The following TRPM7 variants were observed in gnomAD, a reference collection of about 807,000 sequenced individuals.
TRPM7 encodes the protein transient receptor potential cation channel subfamily M member 7, also known as LTRPC ion channel family member 7.
Under a neutral mutation model 229.7 loss-of-function variants are expected in TRPM7, and 134 were observed. That is an observed-to-expected ratio of 0.58 (90% CI 0.51 to 0.67). The LOEUF (loss-of-function observed/expected upper bound fraction) is 0.67, where lower values mean the gene tolerates loss of function less well. TRPM7 is among the 30% of genes least tolerant of loss of function. The probability of loss-of-function intolerance (pLI) is 0.00; values close to 1 mark genes in which losing one functional copy is unlikely to be tolerated. For missense variants in TRPM7, 1,901 were observed against 2,210.0 expected (o/e 0.86, Z 2.80); for synonymous variants, 699 against 715.2 (o/e 0.98, Z 0.36).
rs10553093 is a variant in TRPM7 at position 50,678,506 on chromosome 15, T to TA, written c.3+8024dup. 6.5e-3 allele frequency among the ~76,000 whole-genome samples: 840 copies of TA among 128,604 alleles called. 11 individuals are homozygous for TA. Among genetic ancestry groups the TA allele is most frequent in the African/African-American group, 0.024 (804 of 33,342 alleles). The allele number at this position is 128,604 out of a possible 152,430, so 84.4% of individuals were successfully genotyped here. Reference sequence around the variant, plus strand: ...GACCCTACTCTCTAGTTCCATTCTTTAAAAAAAAAAAATATATATATATAT... The same window carrying TA: ...GACCCTACTCTCTAGTTCCATTCTTTAAAAAAAAAAAAATATATATATATAT... On this transcript the variant is annotated intron_variant, in intron 1 of 38. Coordinates refer to ENST00000646667, the MANE Select transcript of TRPM7 (RefSeq NM_017672.6).
chr15:50,638,702 A>ATGTATGTATGTATGTATGTG (rs2060998280), intron 6 of TRPM7, among the ~76,000 whole-genome samples: 1 of 151,790 alleles, frequency 6.6e-6, no homozygotes, highest in Admixed American at 6.6e-5. Flanking sequence ...GTATGTATGT[A>ATGTATGTATGTATGTATGTG]TGAGATGGAG....
chr15:50,634,364 ATGT>A lies in TRPM7; in HGVS notation c.1007+15_1007+17del. On this transcript the variant is annotated intron_variant, in intron 8 of 38. Transcript: ENST00000646667. ...AAATAAATAAATAAAATTAATTAAAATGTTGTCATACACTTACCCTCCTTCTTC... is the reference window on the plus strand; with the variant it reads ...AAATAAATAAATAAAATTAATTAAAATGTCATACACTTACCCTCCTTCTTC... The A allele has an allele frequency of 1.4e-6, 2 of 1,465,740 alleles. No individual in the cohort carries two copies. The highest frequency in any genetic ancestry group is 3.0e-5 in the South Asian group (2 of 66,086). 90.8% of individuals were successfully genotyped at this position (1,465,740 alleles called of 1,614,324 possible).
At chr15:50,567,284 G>A (rs988943977) in intron 38 of TRPM7, among the ~76,000 whole-genome samples, 20 of 151,776 alleles carry the variant, frequency 1.3e-4, no homozygotes, top group African/African-American at 1.9e-4. Context: ...CCATCAACTC[G>A]TCATTTAGCA....
chr15:50,604,372 G>C (rs544220044), intron 21 of TRPM7: 9 of 152,350 alleles, frequency 5.9e-5, no homozygotes, highest in African/African-American at 2.2e-4. Context: ...CAGGAGTTTG[G>C]GACCAGCCTG....
intron 20 of TRPM7, 76 bp from the exon 21 acceptor site, chr15:50,605,220 C>T: frequency 1.7e-6 from 2 of 1,181,686 alleles, no homozygotes; most frequent in Non-Finnish European, 2.4e-6. Flanking sequence ...TCAACTATAA[C>T]ATTACAGTAG....
At chr15:50,597,340 C>G (rs2059659544) in intron 22 of TRPM7, among the ~76,000 whole-genome samples, 2 of 152,134 alleles carry the variant, frequency 1.3e-5, no homozygotes, top group Admixed American at 6.6e-5. Flanking sequence ...GTGATAAGTT[C>G]TAGCTAAATA....
intron 28 of TRPM7, 106 bp downstream of exon 28, chr15:50,586,286 C>T (rs1056145248): frequency 1.8e-5 from 12 of 650,326 alleles, no homozygotes; most frequent in Non-Finnish European, 3.1e-5. Context: ...TTTTCGTCTT[C>T]TGACTCCTGC....
chr15:50,615,394 A>G (rs1029143304), intron 13 of TRPM7, among the ~76,000 whole-genome samples: 1 of 152,152 alleles, frequency 6.6e-6, no homozygotes, highest in African/African-American at 2.4e-5. Flanking sequence ...CGCTTGCAAC[A>G]TTGTTTAAAG....
At chr15:50,568,126 A>AC (rs1440077077) in intron 38 of TRPM7, among the ~76,000 whole-genome samples, 2 of 151,172 alleles carry the variant, frequency 1.3e-5, no homozygotes, top group African/African-American at 4.9e-5. Context: ...AAAAAAAAAA[A>AC]AAAAAACAAG....
intron 11 of TRPM7, 27 bp downstream of exon 11, chr15:50,628,122 T>C (rs778837007): frequency 6.1e-6 from 9 of 1,465,878 alleles, no homozygotes; most frequent in Non-Finnish European, 5.7e-6. Flanking sequence ...AATTTAATTG[T>C]ATTGTGTATG....
intron 31 of TRPM7, 139 bp downstream of exon 31, chr15:50,578,500 T>G (rs1204522312): frequency 3.4e-6 from 2 of 581,746 alleles, no homozygotes. Flanking sequence ...AGAAAGTATA[T>G]GAGGGAAGAA....
intron 1 of TRPM7, among the ~76,000 whole-genome samples, chr15:50,680,020 G>A (rs1196912626): frequency 1.3e-5 from 2 of 152,044 alleles, no homozygotes; most frequent in Admixed American, 6.6e-5. Context: ...GATCACTTGA[G>A]GTCAGGAGTT....
chr15:50,629,753 T>C (rs12708424), intron 10 of TRPM7, among the ~76,000 whole-genome samples: 89,523 of 151,710 alleles, frequency 0.59, 26,722 homozygotes, highest in African/African-American at 0.67. Flanking sequence ...AAATCTGACT[T>C]GTAGGAATAA....
At chr15:50,581,096 TAA>T (rs1260798895) in intron 29 of TRPM7, among the ~76,000 whole-genome samples, 188 bp from the exon 30 acceptor site, 1 of 152,238 alleles carries the variant, frequency 6.6e-6, no homozygotes, top group Non-Finnish European at 1.5e-5. Context: ...GTAACTACCA[TAA>T]GACTATTCAA....
chr15:50,567,721 C>A (rs1313307660), intron 38 of TRPM7, among the ~76,000 whole-genome samples: 5 of 151,962 alleles, frequency 3.3e-5, no homozygotes, highest in Admixed American at 1.3e-4. Flanking sequence ...AGAAAAACCA[C>A]ATGATCATAC....
intron 11 of TRPM7, 98 bp from the exon 12 acceptor site, chr15:50,624,398 C>T (rs2060501129): frequency 5.5e-6 from 6 of 1,093,188 alleles, no homozygotes; most frequent in Non-Finnish European, 7.6e-6. Context: ...TAATTTGTTC[C>T]CAACAGTTTT....
At chr15:50,672,898 CAAAAAAAAAAA>C (rs35153596) in intron 1 of TRPM7, among the ~76,000 whole-genome samples, 119 of 26,222 alleles carry the variant, frequency 4.5e-3, no homozygotes, top group African/African-American at 0.014. Context: ...GACTCTGTCT[CAAAAAAAAAAA>C]AAAAAAAAAA....
intron 23 of TRPM7, among the ~76,000 whole-genome samples, chr15:50,594,828 T>C (rs1050788720): frequency 1.3e-5 from 2 of 152,106 alleles, no homozygotes; most frequent in African/African-American, 4.8e-5. Context: ...TTTAAAAAAA[T>C]TTAAAATATT....
In TRPM7 at chr15:50,557,472, CA is replaced by C. The variant is rs1226834862; in HGVS notation, c.*4205del. The stretch of plus-strand genomic sequence containing the variant: ...TGACTTGAGAGTGGGGAAAGTGGAA[CA>C]AGGGAGTAATTTTTATATTTTTCTT... On this transcript the variant is annotated 3_prime_UTR_variant, in exon 39 of 39. Coordinates refer to ENST00000646667, the MANE Select transcript of TRPM7 (RefSeq NM_017672.6). The C allele has an allele frequency of 6.6e-6, 1 of 152,048 alleles. No individual in the cohort carries two copies. Among genetic ancestry groups the C allele is most frequent in the African/African-American group, 2.4e-5 (1 of 41,392 alleles). 9.4% of individuals were successfully genotyped at this position (152,048 alleles called of 1,614,324 possible). A position where few individuals can be genotyped will look rare whatever the true frequency, so the allele number is the denominator to read the frequency against.
Sources: gnomAD v4.1 joint callset for allele counts (sites outside exome capture counted in the v4.1 genomes callset) on GRCh38, gnomAD v4.1.1 for gene constraint, MANE v1.5 for transcripts, NCBI Gene and HGNC (gene_info 2026-07-23, HGNC 2026-07-21) for gene names.